The following RAPGEF4 variants were observed in gnomAD, a reference collection of about 807,000 sequenced individuals.
RAPGEF4 encodes Rap guanine nucleotide exchange factor 4, also known as RAP guanine-nucleotide-exchange factor (GEF) 4.
Under a neutral mutation model 147.9 loss-of-function variants are expected in RAPGEF4, and 66 were observed. That is an observed-to-expected ratio of 0.45 (90% CI 0.37 to 0.55). The LOEUF is 0.55. RAPGEF4 is among the 20% of genes least tolerant of loss of function. The pLI is 0.00. For synonymous variants in RAPGEF4, 419 were observed against 442.7 expected (o/e 0.95, Z 0.67); for missense variants, 1,071 against 1,257.3 (o/e 0.85, Z 2.24).
At chr2:172,797,450 A>G (rs1222497140) in intron 2 of RAPGEF4, 75 bp from the exon 3 acceptor site, 1 of 1,150,554 alleles carries the variant, frequency 8.7e-7, no homozygotes, top group African/African-American at 1.5e-5. Flanking sequence ...TGCTTGGACC[A>G]GTGAAAAACT....
At chr2:172,931,550 C>G (rs1191483172) in intron 6 of RAPGEF4, among the ~76,000 whole-genome samples, 1 of 152,172 alleles carries the variant, frequency 6.6e-6, no homozygotes, top group African/African-American at 2.4e-5. Flanking sequence ...CCAAGTCACA[C>G]CAAGTGCTCC....
intron 3 of RAPGEF4, among the ~76,000 whole-genome samples, chr2:172,803,347 C>T (rs1282873091): frequency 6.6e-6 from 1 of 152,202 alleles, no homozygotes; most frequent in Non-Finnish European, 1.5e-5. Context: ...TGTACATCTG[C>T]AGGCTCAACA....
At chr2:172,822,810 AC>A (rs1462133895) in intron 4 of RAPGEF4, among the ~76,000 whole-genome samples, 2 of 152,178 alleles carry the variant, frequency 1.3e-5, no homozygotes, top group Non-Finnish European at 1.5e-5. Context: ...GTTCTCTTAC[AC>A]TGGGTCTCCT....
chr2:172,762,113 TCAAA>T (rs966470568), intron 1 of RAPGEF4, among the ~76,000 whole-genome samples: 13 of 152,164 alleles, frequency 8.5e-5, no homozygotes, highest in East Asian at 1.9e-4. Flanking sequence ...AGACTCCGTC[TCAAA>T]CAAACAAACA....
intron 4 of RAPGEF4, among the ~76,000 whole-genome samples, chr2:172,841,631 C>G (rs1343507431): frequency 2.0e-5 from 3 of 152,120 alleles, no homozygotes; most frequent in African/African-American, 7.2e-5. Context: ...AACACTCTGC[C>G]TATTTCTAAA....
At chr2:173,031,083 G>A (rs79906842) in intron 26 of RAPGEF4, among the ~76,000 whole-genome samples, 1 of 152,178 alleles carries the variant, frequency 6.6e-6, no homozygotes, top group Admixed American at 6.5e-5. Context: ...TTGCAATGGT[G>A]CTTAAAGGCA....
At chr2:172,903,028 A>C (rs557687823) in intron 4 of RAPGEF4, among the ~76,000 whole-genome samples, 1 of 152,164 alleles carries the variant, frequency 6.6e-6, no homozygotes, top group Non-Finnish European at 1.5e-5. Flanking sequence ...GTCACTGCAA[A>C]CAACATGTGT....
At chr2:172,987,404 C>T (rs1029253407) in intron 12 of RAPGEF4, among the ~76,000 whole-genome samples, 1 of 152,156 alleles carries the variant, frequency 6.6e-6, no homozygotes, top group Non-Finnish European at 1.5e-5. Context: ...TAACTCCTAC[C>T]CTGAATGTAG....
intron 27 of RAPGEF4, among the ~76,000 whole-genome samples, chr2:173,035,458 C>T (rs1461780172): frequency 2.0e-5 from 3 of 148,224 alleles, no homozygotes; most frequent in African/African-American, 7.5e-5. Context: ...TTGCAGTGAG[C>T]GGAGATCGCG....
chr2:173,018,696 C>T lies in RAPGEF4; in HGVS notation c.2049C>T (p.Thr683=), dbSNP rs559605705. Residue 683 remains threonine (T), a synonymous_variant, in exon 22 of 31, where the codon ACC becomes ACT. Transcript: ENST00000397081. The stretch of plus-strand genomic sequence containing the variant: ...ATTGCATGGACCACACCTACACAAC[C>T]ATTCGGGTGCCAGTGGCCACTTCGG... ...KVYCMDHTYT[T]IRVPVATSVK... is the part of the protein sequence containing the mutation. 3 of 1,614,108 alleles carry T rather than the reference C, an allele frequency of 1.9e-6. No homozygotes were observed. Among genetic ancestry groups the T allele is most frequent in the African/African-American group, 1.3e-5 (1 of 75,008 alleles).
chr2:172,794,059 T>C (rs887142087), intron 1 of RAPGEF4, among the ~76,000 whole-genome samples: 2 of 151,722 alleles, frequency 1.3e-5, no homozygotes, highest in Non-Finnish European at 2.9e-5. Flanking sequence ...GCCCTGGAGG[T>C]CAAGGCTGCA....
chr2:172,899,743 G>C (rs1043534770), intron 4 of RAPGEF4, among the ~76,000 whole-genome samples: 1 of 152,162 alleles, frequency 6.6e-6, no homozygotes, highest in Non-Finnish European at 1.5e-5. Flanking sequence ...ATAGCATCAA[G>C]GCTCTGGGTC....
At chr2:172,920,856 G>A (rs1039189164) in intron 5 of RAPGEF4, among the ~76,000 whole-genome samples, 1 of 152,150 alleles carries the variant, frequency 6.6e-6, no homozygotes, top group African/African-American at 2.4e-5. Flanking sequence ...GAGCTTCAGA[G>A]TGCTGACCTG....
intron 1 of RAPGEF4, among the ~76,000 whole-genome samples, chr2:172,764,720 A>G (rs1223477323): frequency 6.6e-6 from 1 of 152,168 alleles, no homozygotes; most frequent in Non-Finnish European, 1.5e-5. Flanking sequence ...CCATACCCTT[A>G]TGACGTGTCT....
Position 172,883,112 on chromosome 2 carries a change from G to A in RAPGEF4, c.445-34690G>A, listed in dbSNP as rs550292289. ...GTTTAATATGTGTTAAAAAAAAAAA[G>A]GAGTGAATTTTACCTTAGGGCTAGA... is the stretch of plus-strand genomic sequence containing the variant. On this transcript the variant is annotated intron_variant, in intron 4 of 30. Coordinates refer to ENST00000397081, the MANE Select transcript of RAPGEF4 (RefSeq NM_007023.4). Among the ~76,000 whole-genome samples the A allele has an allele frequency of 5.6e-3, 838 of 149,276 alleles. 2 individuals carry two copies. The highest frequency in any genetic ancestry group is 0.025 in the Middle Eastern group (7 of 284).
intron 17 of RAPGEF4, among the ~76,000 whole-genome samples, chr2:173,011,170 G>GCGCGCACGCACACA (rs564434178): frequency 2.2e-5 from 3 of 133,500 alleles, no homozygotes; most frequent in African/African-American, 5.8e-5. Flanking sequence ...GCGCGCGCGC[G>GCGCGCACGCACACA]CACACACACA....
chr2:172,791,879 C>T (rs561834137), intron 1 of RAPGEF4, among the ~76,000 whole-genome samples: 4 of 152,330 alleles, frequency 2.6e-5, no homozygotes, highest in African/African-American at 9.6e-5. Flanking sequence ...CCCTAGTCTA[C>T]ACTCCTAATG....
intron 6 of RAPGEF4, among the ~76,000 whole-genome samples, chr2:172,949,566 C>A (rs1575343803): frequency 6.6e-6 from 1 of 152,164 alleles, no homozygotes; most frequent in Non-Finnish European, 1.5e-5. Flanking sequence ...GAAAAGTCAC[C>A]TGTAGTGTGC....
intron 4 of RAPGEF4, among the ~76,000 whole-genome samples, chr2:172,822,807 T>C (rs889919547): frequency 2.0e-5 from 3 of 152,342 alleles, no homozygotes; most frequent in Middle Eastern, 3.4e-3. Context: ...ACTGTTCTCT[T>C]ACACTGGGTC....
Sources: allele counts gnomAD v4.1 joint callset (sites outside exome capture counted in the v4.1 genomes callset), GRCh38; gene constraint gnomAD v4.1.1; transcripts MANE v1.5; gene names NCBI Gene and HGNC (gene_info 2026-07-23, HGNC 2026-07-21).